CDK14: variants seen among roughly 807,000 people sequenced by gnomAD.
The protein encoded by CDK14 is cyclin-dependent kinase 14.
CDK14 carries 34 observed loss-of-function variants against 60.7 expected under a neutral mutation model. The ratio of observed to expected loss-of-function variants is 0.56; its 90% CI spans 0.43 to 0.75. CDK14 has a LOEUF of 0.75. CDK14 is among the 30% of genes least tolerant of loss of function. CDK14 has a pLI of 0.00. For missense variants in CDK14, 482 were observed against 564.1 expected (o/e 0.85, Z 1.47); for synonymous variants, 197 against 203.7 (o/e 0.97, Z 0.28).
intron 14 of CDK14, among the ~76,000 whole-genome samples, chr7:91,123,622 C>T (rs1799850268): frequency 6.6e-6 from 1 of 152,124 alleles, no homozygotes; most frequent in African/African-American, 2.4e-5. Context: ...CTCCACCCCA[C>T]CTTACCTTAG....
chr7:90,855,062 G>A (rs1336433673), intron 5 of CDK14, among the ~76,000 whole-genome samples: 1 of 152,184 alleles, frequency 6.6e-6, no homozygotes, highest in Non-Finnish European at 1.5e-5. Context: ...CAGCAGAAGA[G>A]GGTCATTTAC....
intron 14 of CDK14, among the ~76,000 whole-genome samples, chr7:91,201,204 A>T (rs992495808): frequency 2.0e-5 from 3 of 152,142 alleles, no homozygotes; most frequent in Non-Finnish European, 4.4e-5. Context: ...TTTTTCTTGA[A>T]GAGAAACTAA....
rs116853208 is a variant in CDK14 at position 91,008,471 on chromosome 7, T to C, written c.1041+24230T>C. ...TTTGAGGTTTCATGTGTTTTTGTTG[T>C]TTGTTGTTAATTTTGCTCCTTCCTT... On this transcript the variant is annotated intron_variant, in intron 10 of 14. Coordinates refer to ENST00000380050, the MANE Select transcript of CDK14 (RefSeq NM_001287135.2). 6.7e-3 allele frequency among the ~76,000 whole-genome samples: 1,013 copies of C among 152,298 alleles called. 9 individuals are homozygous for C. Among genetic ancestry groups the C allele is most frequent in the South Asian group, 0.011 (55 of 4,824 alleles).
chr7:90,725,273 A>G (rs1194808449), intron 2 of CDK14, among the ~76,000 whole-genome samples: 1 of 152,132 alleles, frequency 6.6e-6, no homozygotes, highest in South Asian at 2.1e-4. Flanking sequence ...ATGTCTGGAG[A>G]TATCTGATGT....
intron 2 of CDK14, among the ~76,000 whole-genome samples, chr7:90,678,644 A>ATT (rs138375889): frequency 8.7e-5 from 13 of 150,246 alleles, no homozygotes; most frequent in Admixed American, 3.3e-4. Context: ...TAACCTTTTC[A>ATT]TTTTTTTTTT....
intron 2 of CDK14, among the ~76,000 whole-genome samples, chr7:90,650,561 G>T (rs1456788803): frequency 6.6e-6 from 1 of 152,168 alleles, no homozygotes; most frequent in East Asian, 1.9e-4. Flanking sequence ...GTATTGCCTA[G>T]GTTTTCTTCT....
At chr7:90,619,561 C>G (rs1192272529) in intron 2 of CDK14, among the ~76,000 whole-genome samples, 1 of 152,150 alleles carries the variant, frequency 6.6e-6, no homozygotes, top group Non-Finnish European at 1.5e-5. Context: ...ATTTTAACTT[C>G]TATAAATATT....
intron 8 of CDK14, among the ~76,000 whole-genome samples, chr7:90,936,779 C>CTAAAT (rs1793768894): frequency 1.3e-5 from 2 of 152,116 alleles, no homozygotes; most frequent in African/African-American, 4.8e-5. Context: ...TGTCTGGCAT[C>CTAAAT]TAAATTAAAA....
chr7:91,189,785 T>C (rs993528643), intron 14 of CDK14, among the ~76,000 whole-genome samples: 2 of 152,262 alleles, frequency 1.3e-5, no homozygotes, highest in African/African-American at 4.8e-5. Flanking sequence ...AATGTTCTAC[T>C]GTGTTTCAAA....
intron 2 of CDK14, among the ~76,000 whole-genome samples, chr7:90,690,557 A>G (rs184971507): frequency 6.6e-6 from 1 of 152,302 alleles, no homozygotes; most frequent in Admixed American, 6.5e-5. Context: ...TAAATAAAAT[A>G]CCACAACTTA....
At chr7:90,781,112 G>C (rs1043393018) in intron 4 of CDK14, among the ~76,000 whole-genome samples, 1 of 152,064 alleles carries the variant, frequency 6.6e-6, no homozygotes, top group Non-Finnish European at 1.5e-5. Context: ...GTGTGAGATG[G>C]TATCTCATTG....
intron 12 of CDK14, among the ~76,000 whole-genome samples, chr7:91,095,929 T>G (rs572601300): frequency 6.6e-6 from 1 of 151,836 alleles, no homozygotes; most frequent in Non-Finnish European, 1.5e-5. Flanking sequence ...AGTTTCTGCT[T>G]AGGGTGATGA....
At chr7:90,719,907 C>T (rs1304294511) in intron 2 of CDK14, among the ~76,000 whole-genome samples, 1 of 152,162 alleles carries the variant, frequency 6.6e-6, no homozygotes, top group Non-Finnish European at 1.5e-5. Context: ...CTTGTTTTCA[C>T]ACGATACTGA....
intron 6 of CDK14, among the ~76,000 whole-genome samples, chr7:90,886,239 CT>C (rs1485764430): frequency 2.0e-5 from 3 of 152,166 alleles, no homozygotes; most frequent in Admixed American, 6.5e-5. Flanking sequence ...AGTATGTTTT[CT>C]TTTTTGCCAA....
chr7:90,693,694 A>G (rs949609691), intron 2 of CDK14, among the ~76,000 whole-genome samples: 2 of 152,120 alleles, frequency 1.3e-5, no homozygotes, highest in Admixed American at 6.5e-5. Context: ...CAGAACATCT[A>G]CTTAGTCATT....
At chr7:91,171,941 A>T (rs974323756) in intron 14 of CDK14, among the ~76,000 whole-genome samples, 17 of 152,190 alleles carry the variant, frequency 1.1e-4, no homozygotes, top group African/African-American at 4.1e-4. Flanking sequence ...CACCCGGCCC[A>T]TATTTAGTGC....
chr7:90,790,924 T>C (rs1043281193), intron 5 of CDK14, among the ~76,000 whole-genome samples: 2 of 152,208 alleles, frequency 1.3e-5, no homozygotes, highest in Admixed American at 6.5e-5. Flanking sequence ...ATTTTGTATG[T>C]CTGCTATCAT....
rs758927325 is a variant in CDK14, at chr7:91,082,113, T to G, written c.1154+2633T>G. On this transcript the variant is annotated intron_variant, in intron 12 of 14. Coordinates refer to ENST00000380050, the MANE Select transcript of CDK14 (RefSeq NM_001287135.2). ...TCTTCCAAATCTCTCTATTTATAGT[T>G]GTCTGACATTGGCATGTATGTGCAA... Among the ~76,000 whole-genome samples the G allele has an allele frequency of 8.5e-4, 129 of 152,208 alleles. 1 individual carries two copies. The highest frequency in any genetic ancestry group is 3.1e-3 in the African/African-American group (128 of 41,466).
At chr7:91,192,568 C>T (rs1802399310) in intron 14 of CDK14, among the ~76,000 whole-genome samples, 1 of 152,106 alleles carries the variant, frequency 6.6e-6, no homozygotes, top group Non-Finnish European at 1.5e-5. Flanking sequence ...ATTGCAAGTT[C>T]TTGGCTGATG....
Sources: allele counts gnomAD v4.1 joint callset (sites outside exome capture counted in the v4.1 genomes callset), GRCh38; gene constraint gnomAD v4.1.1; transcripts MANE v1.5; gene names NCBI Gene and HGNC (gene_info 2026-07-23, HGNC 2026-07-21).